Variants in PSG11 observed in about 807,000 individuals in gnomAD.
PSG11 encodes pregnancy specific beta-1-glycoprotein 11.
In PSG11, 42 loss-of-function variants were observed where a neutral mutation model predicts 36.0. The ratio of observed to expected loss-of-function variants is 1.17; its 90% CI spans 0.91 to 1.51. The LOEUF is 1.51. PSG11 is among the 40% of genes most tolerant of loss of function. The pLI, the probability that PSG11 is intolerant of heterozygous loss-of-function variation, is 0.00. For missense variants in PSG11, 558 were observed against 403.5 expected, an observed-to-expected ratio of 1.38 and a Z score of -3.28; for synonymous variants, 206 against 153.5, an observed-to-expected ratio of 1.34 and a Z score of -2.53.
chr19:43,014,265 T>C lies in PSG11; in HGVS notation c.964+851A>G, dbSNP rs373909835. 20 of 790,754 alleles carry C rather than the reference T, an allele frequency of 2.5e-5. No homozygotes were observed. In the African/African-American group the frequency reaches 3.8e-4, roughly 15 times the overall value. 49.0% of individuals were successfully genotyped at this position (790,754 alleles called of 1,614,324 possible). ...AGCCTTATATTAGATATATATAGTGTCTGGTAGTCTTACCCTCTCTATAAT... is the reference window on the plus strand; with the variant it reads ...AGCCTTATATTAGATATATATAGTGCCTGGTAGTCTTACCCTCTCTATAAT... On this transcript the variant is annotated intron_variant, in intron 4 of 5. Transcript: ENST00000320078.
chr19:43,019,382 C>G (rs1415945618), intron 2 of PSG11: 2 of 367,892 alleles, frequency 5.4e-6, no homozygotes, highest in African/African-American at 4.1e-5. Context: ...CCTTTTGGTC[C>G]TGACTTGGAG....
At chr19:43,024,648 A>T in intron 2 of PSG11, 43 bp downstream of exon 2, 1 of 1,609,044 alleles carries the variant, frequency 6.2e-7, no homozygotes, top group Non-Finnish European at 8.5e-7. Flanking sequence ...TGTAGAAGTG[A>T]CCCCTGTCCC....
Position 43,025,000 on chromosome 19 carries a change from G to A in PSG11, c.121C>T (p.Gln41Ter), listed in dbSNP as rs140785046. 3 of 1,610,944 alleles carry A rather than the reference G, an allele frequency of 1.9e-6. No individual in the cohort carries two copies. The highest frequency in any genetic ancestry group is 2.5e-6 in the Non-Finnish European group (3 of 1,178,494). The change falls in exon 2 of 6, where the codon CAG becomes TAG. Residue 41 changes from glutamine to a stop codon, truncating the protein, a stop_gained. Transcript: ENST00000320078. LOFTEE classifies it high-confidence loss of function. ...PTTAQVMIEA[Q>*]PPKVSEGKDV... Reference sequence around the variant, plus strand: ...TTCCCCTCGGACACTTTGGGTGGCTGGGCTTCAATCATGACTTGGGCAGTG... The same window carrying A: ...TTCCCCTCGGACACTTTGGGTGGCTAGGCTTCAATCATGACTTGGGCAGTG...
chr19:43,026,103 G>C (rs576742619), intron 1 of PSG11, among the ~76,000 whole-genome samples: 21 of 149,894 alleles, frequency 1.4e-4, no homozygotes, highest in African/African-American at 4.7e-4. Context: ...CACCATACCT[G>C]GTTAATTTTT....
intron 4 of PSG11, among the ~76,000 whole-genome samples, chr19:43,013,631 T>C (rs1966886523): frequency 6.6e-6 from 1 of 151,340 alleles, no homozygotes; most frequent in Non-Finnish European, 1.5e-5. Flanking sequence ...AACAGGTGTT[T>C]TCAAGTAGAT....
intron 4 of PSG11, chr19:43,014,247 T>C (rs1966899614): frequency 1.8e-5 from 12 of 679,736 alleles, no homozygotes; most frequent in South Asian, 6.7e-5. Context: ...GTAAGCCTTA[T>C]ATTAGATATA....
chr19:43,007,887 C>T lies in PSG11; in HGVS notation c.*196G>A, dbSNP rs1315144469. 8.0e-6 allele frequency: 3 copies of T among 373,840 alleles called. No homozygotes were observed. The highest frequency in any genetic ancestry group is 6.3e-5 in the African/African-American group (3 of 47,280). 23.2% of individuals were successfully genotyped at this position (373,840 alleles called of 1,614,324 possible). ...AACATTATCCTTTTGTTATTTAGTC[C>T]AATGAAATGGAGTTCTTTTCTTCTT... is the stretch of plus-strand genomic sequence containing the variant. On this transcript the variant is annotated 3_prime_UTR_variant, in exon 6 of 6. Coordinates refer to ENST00000320078, the MANE Select transcript of PSG11 (RefSeq NM_002785.3).
rs538810614 is a variant in PSG11, at chr19:43,011,436, G to C, written c.965-1395C>G. Among the ~76,000 whole-genome samples the C allele has an allele frequency of 2.5e-4, 37 of 150,968 alleles. 1 individual carries two copies. Among genetic ancestry groups the C allele is most frequent in the Admixed American group, 2.5e-3 (37 of 15,098 alleles). On this transcript the variant is annotated intron_variant, in intron 4 of 5. Coordinates refer to ENST00000320078, the MANE Select transcript of PSG11 (RefSeq NM_002785.3). ...GCACAGTGAATGAGGGAAATAATAA[G>C]GATTAGAGTTGATATAAATAAAATG...
chr19:43,016,797 T>C (rs1966978212), intron 3 of PSG11, among the ~76,000 whole-genome samples: 1 of 151,554 alleles, frequency 6.6e-6, no homozygotes, highest in Non-Finnish European at 1.5e-5. Flanking sequence ...TTAAGTTTCC[T>C]TTCCTTCTGC....
intron 4 of PSG11, 95 bp from the exon 5 acceptor site, chr19:43,010,136 A>T: frequency 6.6e-7 from 1 of 1,507,316 alleles, no homozygotes; most frequent in Non-Finnish European, 9.0e-7. Context: ...ATACTGTATA[A>T]TTGTTTCTTC....
In PSG11 at chr19:43,025,655, GTT is replaced by G. The variant is rs11346416; in HGVS notation, c.65-601_65-600del. Among the ~76,000 whole-genome samples, 147 of 144,860 alleles carry G rather than the reference GTT, an allele frequency of 1.0e-3. 3 individuals carry two copies. The highest frequency in any genetic ancestry group is 3.7e-3 in the South Asian group (17 of 4,546). On this transcript the variant is annotated intron_variant, in intron 1 of 5. Transcript: ENST00000320078. ...TCTCAGGGCCGTCCACGCCCTGGGTGTTTTTTTTTTTTTCCCCAATTGTTGAG... is the reference window on the plus strand; with the variant it reads ...TCTCAGGGCCGTCCACGCCCTGGGTGTTTTTTTTTTTCCCCAATTGTTGAG...
rs574067161 is a variant in PSG11 at position 43,024,095 on chromosome 19, C to G, written c.430+596G>C. Among the ~76,000 whole-genome samples the G allele has an allele frequency of 7.3e-5, 11 of 151,484 alleles. No individual in the cohort carries two copies. In the South Asian group the frequency reaches 1.5e-3, roughly 20 times the overall value. The stretch of plus-strand genomic sequence containing the variant: ...AGCTTGTCTTTCTGTCCTCTCCACT[C>G]TGAGTGTCAGGTGAAGAAAGCTCTG... On this transcript the variant is annotated intron_variant, in intron 2 of 5. Transcript: ENST00000320078.
chr19:43,022,257 G>C (rs1937696255), intron 2 of PSG11, among the ~76,000 whole-genome samples: 1 of 151,470 alleles, frequency 6.6e-6, no homozygotes, highest in African/African-American at 2.4e-5. Flanking sequence ...CACTATTGTA[G>C]AACGTGAGAT....
At chr19:43,025,916 CTTT>C (rs747657112) in intron 1 of PSG11, among the ~76,000 whole-genome samples, 2 of 62,000 alleles carry the variant, frequency 3.2e-5, no homozygotes, top group Non-Finnish European at 5.9e-5. Flanking sequence ...GCCTTCTTTC[CTTT>C]TTTTTTTTTT....
At position 43,025,350 on chromosome 19, in the gene PSG11, T is replaced by G. The variant is rs191490845; in HGVS notation, c.65-294A>C. On this transcript the variant is annotated intron_variant, in intron 1 of 5. Coordinates refer to ENST00000320078, the MANE Select transcript of PSG11 (RefSeq NM_002785.3). Reference sequence around the variant, plus strand: ...GAATCCTCTTCCCCAGGGGTCCGCATGGCCCCCTCCACACTGCCCTCAGGT... The same window carrying G: ...GAATCCTCTTCCCCAGGGGTCCGCAGGGCCCCCTCCACACTGCCCTCAGGT... 159 of 435,878 alleles carry G rather than the reference T, an allele frequency of 3.6e-4. 3 individuals carry two copies. Among genetic ancestry groups the G allele is most frequent in the African/African-American group, 2.9e-3 (143 of 49,706 alleles). The allele number at this position is 435,878 out of a possible 1,614,324, so 27.0% of individuals were successfully genotyped here.
At position 43,019,034 on chromosome 19, in the gene PSG11, G is replaced by A. The variant is rs755159322; in HGVS notation, c.445C>T (p.Pro149Ser). The change falls in exon 3 of 6, where the codon CCC becomes TCC. Residue 149 changes from proline to serine, a missense_variant. Pro to Ser is a moderately conservative substitution (Grantham distance 74, BLOSUM62 -1). Transcript: ENST00000320078. Reference protein sequence around the residue: ...TFTLYLETPKPSISSSNLNPR... With the variant: ...TFTLYLETPKSSISSSNLNPR... ...TTTAAGTTGCTGCTGGAGATGGAGG[G>A]CTTGGGAGTCTCCACTGTGCAGAAA... 10 of 1,611,620 alleles carry A rather than the reference G, an allele frequency of 6.2e-6. 1 individual carries two copies. In the South Asian group the frequency reaches 8.8e-5, roughly 14 times the overall value.
chr19:43,011,755 G>T (rs1263424694), intron 4 of PSG11, among the ~76,000 whole-genome samples: 3 of 150,766 alleles, frequency 2.0e-5, no homozygotes, highest in East Asian at 2.0e-4. Context: ...GCTGCGCATG[G>T]TGACATGCAC....
At chr19:43,015,570 G>T (rs574877118) in intron 3 of PSG11, among the ~76,000 whole-genome samples, 200 bp from the exon 4 acceptor site, 17 of 151,466 alleles carry the variant, frequency 1.1e-4, no homozygotes, top group African/African-American at 4.1e-4. Context: ...AGTCTCCCAT[G>T]ACAAGAGCAT....
chr19:43,015,490 C>T lies in PSG11; in HGVS notation c.710-120G>A, dbSNP rs1966939801. ...ACACACCCTCAAGTCCCAGCCAAAC[C>T]CCCTCTATGTTCACTGAGCTGAAGC... On this transcript the variant is annotated intron_variant, in intron 3 of 5. Transcript: ENST00000320078. 2.9e-6 allele frequency: 4 copies of T among 1,382,046 alleles called. 1 individual carries two copies. The highest frequency in any genetic ancestry group is 1.4e-5 in the South Asian group (1 of 70,190). 85.6% of individuals were successfully genotyped at this position (1,382,046 alleles called of 1,614,324 possible). A position where few individuals can be genotyped will look rare whatever the true frequency, so the allele number is the denominator to read the frequency against.
Sources: allele counts gnomAD v4.1 joint callset (sites outside exome capture counted in the v4.1 genomes callset), GRCh38; gene constraint gnomAD v4.1.1; transcripts MANE v1.5; gene names NCBI Gene and HGNC (gene_info 2026-07-23, HGNC 2026-07-21).